The following NALF1 variants were observed in gnomAD, a reference collection of about 807,000 sequenced individuals.
NALF1 encodes family with sequence similarity 155 member A.
A neutral mutation model predicts 48.4 loss-of-function variants in NALF1; 3 were observed. The observed-to-expected ratio is 0.06, with a 90% CI of 0.03 to 0.16. The LOEUF is 0.16. Ranked by LOEUF, NALF1 falls within the 10% of genes least tolerant of loss-of-function variation. The pLI is 1.00. For missense variants in NALF1, 526 were observed against 571.5 expected (o/e 0.92, Z 0.81); for synonymous variants, 262 against 245.7 (o/e 1.07, Z -0.62).
chr13:107,550,935 T>A (rs1446066026), intron 1 of NALF1, among the ~76,000 whole-genome samples: 2 of 152,128 alleles, frequency 1.3e-5, no homozygotes, highest in African/African-American at 4.8e-5. Context: ...TGCTGTTGTT[T>A]CCCCTTTAGT....
intron 1 of NALF1, among the ~76,000 whole-genome samples, chr13:107,617,810 C>T (rs534297968): frequency 1.3e-5 from 2 of 152,104 alleles, no homozygotes; most frequent in South Asian, 4.1e-4. Context: ...TACAGGCACA[C>T]AAGTTATCAG....
intron 1 of NALF1, among the ~76,000 whole-genome samples, chr13:107,766,941 A>C (rs752464862): frequency 3.0e-4 from 46 of 152,328 alleles, no homozygotes; most frequent in Non-Finnish European, 6.2e-4. Flanking sequence ...TGATTTGTTT[A>C]AAATTTTATT....
At chr13:107,832,621 G>A (rs4426220) in intron 1 of NALF1, among the ~76,000 whole-genome samples, 1 of 151,928 alleles carries the variant, frequency 6.6e-6, no homozygotes, top group Non-Finnish European at 1.5e-5. Context: ...ACATTGGAAG[G>A]GTCAGGGTCC....
chr13:107,622,443 A>AAAAC (rs1427484455), intron 1 of NALF1, among the ~76,000 whole-genome samples: 1 of 131,530 alleles, frequency 7.6e-6, no homozygotes, highest in Non-Finnish European at 1.7e-5. Context: ...CTGTCTCAAA[A>AAAAC]AAACAAACAA....
intron 2 of NALF1, among the ~76,000 whole-genome samples, chr13:107,179,335 T>C (rs1409846998): frequency 6.6e-6 from 1 of 152,016 alleles, no homozygotes; most frequent in Non-Finnish European, 1.5e-5. Flanking sequence ...CTCATGGAGA[T>C]AGAAAATAGA....
At chr13:107,307,205 T>A (rs1386525864) in intron 1 of NALF1, among the ~76,000 whole-genome samples, 1 of 152,162 alleles carries the variant, frequency 6.6e-6, no homozygotes, top group Non-Finnish European at 1.5e-5. Context: ...CTTAGACCAG[T>A]TATTCATAAC....
chr13:107,467,883 T>C (rs1267094441), intron 1 of NALF1, among the ~76,000 whole-genome samples: 1 of 151,308 alleles, frequency 6.6e-6, no homozygotes, highest in Non-Finnish European at 1.5e-5. Context: ...TACAAAAAAA[T>C]AAATAAATAA....
intron 1 of NALF1, among the ~76,000 whole-genome samples, chr13:107,765,783 A>G (rs796203118): frequency 1.3e-5 from 2 of 152,302 alleles, no homozygotes; most frequent in African/African-American, 4.8e-5. Flanking sequence ...TACTAAGTAA[A>G]TAAATATTTA....
At chr13:107,533,835 C>T (rs1167961788) in intron 1 of NALF1, among the ~76,000 whole-genome samples, 1 of 152,086 alleles carries the variant, frequency 6.6e-6, no homozygotes, top group African/African-American at 2.4e-5. Flanking sequence ...AAGCTCAATA[C>T]TTCTAAGGGA....
At chr13:107,374,663 C>A (rs1386591848) in intron 1 of NALF1, among the ~76,000 whole-genome samples, 1 of 152,086 alleles carries the variant, frequency 6.6e-6, no homozygotes, top group Non-Finnish European at 1.5e-5. Context: ...ATTATAATCC[C>A]CAGAGCAACA....
intron 1 of NALF1, among the ~76,000 whole-genome samples, chr13:107,448,775 G>A (rs895979281): frequency 1.3e-5 from 2 of 152,174 alleles, no homozygotes; most frequent in Non-Finnish European, 2.9e-5. Context: ...TGGCACAATA[G>A]ATATACAAAT....
intron 1 of NALF1, among the ~76,000 whole-genome samples, chr13:107,311,740 C>T (rs530123666): frequency 5.3e-5 from 8 of 151,962 alleles, no homozygotes; most frequent in Non-Finnish European, 1.5e-5. Flanking sequence ...AAACAAACAA[C>T]CCCATCAACA....
intron 1 of NALF1, among the ~76,000 whole-genome samples, chr13:107,623,016 C>A (rs1446417896): frequency 1.3e-5 from 2 of 152,160 alleles, no homozygotes; most frequent in Non-Finnish European, 2.9e-5. Context: ...ATGTCAAGAA[C>A]TTGTGTGAGA....
intron 1 of NALF1, among the ~76,000 whole-genome samples, chr13:107,250,053 T>C (rs1018772287): frequency 6.6e-6 from 1 of 151,324 alleles, no homozygotes; most frequent in African/African-American, 2.4e-5. Flanking sequence ...AATCTGTTGA[T>C]TCTCTAAATC....
At chr13:107,498,282 AAC>A (rs1875403529) in intron 1 of NALF1, among the ~76,000 whole-genome samples, 3 of 148,984 alleles carry the variant, frequency 2.0e-5, no homozygotes. Flanking sequence ...AGAAAGTTCA[AAC>A]ATAGAGTCTT....
At chr13:107,693,441 T>A (rs1346556619) in intron 1 of NALF1, among the ~76,000 whole-genome samples, 2 of 151,898 alleles carry the variant, frequency 1.3e-5, no homozygotes, top group Non-Finnish European at 2.9e-5. Context: ...CTGCATGTTG[T>A]GCATATGTAC....
intron 1 of NALF1, among the ~76,000 whole-genome samples, chr13:107,775,805 A>G (rs1877715019): frequency 6.6e-6 from 1 of 151,824 alleles, no homozygotes; most frequent in African/African-American, 2.4e-5. Context: ...AACAATATAG[A>G]AAAGTATTAT....
chr13:107,814,110 G>A (rs1288771651), intron 1 of NALF1, among the ~76,000 whole-genome samples: 1 of 152,054 alleles, frequency 6.6e-6, no homozygotes, highest in Non-Finnish European at 1.5e-5. Context: ...CCTATTTCAG[G>A]GGAATATCTT....
At chr13:107,422,569 G>A (rs899535996) in intron 1 of NALF1, among the ~76,000 whole-genome samples, 2 of 152,042 alleles carry the variant, frequency 1.3e-5, no homozygotes, top group African/African-American at 4.8e-5. Flanking sequence ...CCTGCTTCAT[G>A]TTGTCTTTAC....
Sources: allele counts gnomAD v4.1 joint callset (sites outside exome capture counted in the v4.1 genomes callset), GRCh38; gene constraint gnomAD v4.1.1; transcripts MANE v1.5; gene names NCBI Gene and HGNC (gene_info 2026-07-23, HGNC 2026-07-21).